C12orf42: variants seen among roughly 807,000 people sequenced by gnomAD.
The protein encoded by C12orf42 is uncharacterized protein C12orf42.
Under a neutral mutation model 21.6 loss-of-function variants are expected in C12orf42, and 25 were observed. The observed-to-expected ratio is 1.16, with a 90% CI of 0.84 to 1.62. The LOEUF (loss-of-function observed/expected upper bound fraction) is 1.62, where lower values mean the gene tolerates loss of function less well. Among genes scored for constraint, C12orf42 ranks in the 40% most tolerant of loss-of-function variants. The pLI is 0.00. For synonymous variants in C12orf42, 174 were observed against 175.0 expected (o/e 0.99, Z 0.05); for missense variants, 483 against 459.3 (o/e 1.05, Z -0.47).
chr12:103,225,036 T>C, the C12orf42 span, among the ~76,000 whole-genome samples: 1 of 152,192 alleles, frequency 6.6e-6, no homozygotes, highest in Non-Finnish European at 1.5e-5. Context: ...GGGCTGTCTA[T>C]GAAGCCTTGC....
At chr12:103,138,384 G>A in the C12orf42 span, among the ~76,000 whole-genome samples, 1 of 152,136 alleles carries the variant, frequency 6.6e-6, no homozygotes, top group African/African-American at 2.4e-5. Context: ...TTGCTTGAAA[G>A]TGTGTAGCTC....
In C12orf42 at chr12:103,355,112, G is replaced by A. The variant is rs115495458; in HGVS notation, c.259+13775C>T. ...TGTATCATAGAACTCATTGTCAGCT[G>A]CTTCCTTGTCCTTAGAGTATTCCCC... On this transcript the variant is annotated intron_variant, in intron 4 of 5. Transcript: ENST00000548883. Among the ~76,000 whole-genome samples the A allele has an allele frequency of 5.7e-3, 863 of 152,204 alleles. 5 individuals are homozygous for A. The highest frequency in any genetic ancestry group is 0.018 in the African/African-American group (751 of 41,554).
At chr12:103,528,295 A>T in the C12orf42 span, among the ~76,000 whole-genome samples, 2 of 152,252 alleles carry the variant, frequency 1.3e-5, no homozygotes, top group African/African-American at 4.8e-5. Flanking sequence ...ATTAGGTCCA[A>T]CCAGTGTCAT....
At chr12:103,164,709 G>A in the C12orf42 span, 9 of 455,266 alleles carry the variant, frequency 2.0e-5, no homozygotes, top group Admixed American at 2.1e-4. Flanking sequence ...CTCTTGGAGA[G>A]CGGAAACCAT....
the C12orf42 span, among the ~76,000 whole-genome samples, chr12:103,543,886 TTTTTGTTTTG>T: frequency 8.9e-6 from 1 of 112,730 alleles, no homozygotes; most frequent in East Asian, 3.9e-4. Context: ...TTGGGTTTTT[TTTTTGTTTTG>T]TTTTTTGTTT....
the C12orf42 span, among the ~76,000 whole-genome samples, chr12:103,181,484 T>A: frequency 6.6e-6 from 1 of 152,176 alleles, no homozygotes. Context: ...GATGTCCCTC[T>A]ACAAAAAGAA....
At chr12:103,238,228 T>C (rs1221362377) in intron 10 of C12orf42, among the ~76,000 whole-genome samples, 1 of 141,232 alleles carries the variant, frequency 7.1e-6, no homozygotes, top group Non-Finnish European at 1.6e-5. Flanking sequence ...GGCTACATCC[T>C]TTTTTTTTTT....
At chr12:103,191,644 G>T in the C12orf42 span, among the ~76,000 whole-genome samples, 1 of 149,182 alleles carries the variant, frequency 6.7e-6, no homozygotes, top group Non-Finnish European at 1.5e-5. Flanking sequence ...GGGAGGCTGA[G>T]CCAGGAGGAT....
At chr12:103,222,279 G>A in the C12orf42 span, among the ~76,000 whole-genome samples, 4 of 151,568 alleles carry the variant, frequency 2.6e-5, no homozygotes, top group Admixed American at 2.0e-4. Flanking sequence ...GAAAATTACA[G>A]TCAAAGGGGG....
chr12:103,416,031 T>TG (rs1001875978), intron 2 of C12orf42, among the ~76,000 whole-genome samples: 1 of 62,260 alleles, frequency 1.6e-5, no homozygotes, highest in Non-Finnish European at 3.8e-5. Context: ...CTTTGTTTAG[T>TG]GGGTTTTTTT....
chr12:103,313,207 A>G (rs1286430387), intron 4 of C12orf42, among the ~76,000 whole-genome samples: 1 of 152,216 alleles, frequency 6.6e-6, no homozygotes, highest in Non-Finnish European at 1.5e-5. Context: ...AATCGATTTC[A>G]TCTCCGGCAT....
Position 103,302,120 on chromosome 12 carries a change from A to G in C12orf42, c.1071T>C (p.Ala357=). Reference sequence around the variant, plus strand: ...TCCCTCGCAGCGGTCAATGTAAGTGAGCATTCACCACCGGCCTAGAAAGGG... The same window carrying G: ...TCCCTCGCAGCGGTCAATGTAAGTGGGCATTCACCACCGGCCTAGAAAGGG... ...SQALSRPVVN[A]HLH is the part of the protein sequence containing the mutation. The change falls in exon 6 of 6, where the codon GCT becomes GCC. Residue 357 remains alanine, a synonymous_variant. Transcript: ENST00000548883. The G allele has an allele frequency of 6.2e-7, 1 of 1,611,752 alleles. No homozygotes were observed. The highest frequency in any genetic ancestry group is 8.5e-7 in the Non-Finnish European group (1 of 1,178,982).
intron 3 of C12orf42, among the ~76,000 whole-genome samples, chr12:103,385,830 A>G (rs1399872795): frequency 6.6e-6 from 1 of 152,198 alleles, no homozygotes; most frequent in Non-Finnish European, 1.5e-5. Context: ...CTACCCTCAC[A>G]CTTTGCTTAA....
intron 4 of C12orf42, among the ~76,000 whole-genome samples, chr12:103,291,061 T>C (rs1593299302): frequency 6.6e-6 from 1 of 152,182 alleles, no homozygotes; most frequent in African/African-American, 2.4e-5. Context: ...TAGTATTTAG[T>C]CAGATGATTG....
At position 103,294,486 on chromosome 12, in the gene C12orf42, C is replaced by CAAGA. The variant is rs371588620; in HGVS notation, n.338-17280_338-17277dup. ...AGAAAGAAAGAAATAAGCAAGCAAG[C>CAAGA]AAGAAAGAAAGAAAGAAAGAAAAAG... is the stretch of plus-strand genomic sequence containing the variant. On this transcript the variant is annotated intron_variant and non_coding_transcript_variant, in intron 4 of 6. Transcript: ENST00000546526. Among the ~76,000 whole-genome samples the CAAGA allele has an allele frequency of 5.9e-3, 557 of 94,790 alleles. 6 individuals carry two copies. The highest frequency in any genetic ancestry group is 0.019 in the Middle Eastern group (3 of 154). The allele number at this position is 94,790 out of a possible 152,430, so 62.2% of individuals were successfully genotyped here.
At chr12:103,364,792 G>T (rs1373474150) in intron 4 of C12orf42, among the ~76,000 whole-genome samples, 1 of 151,930 alleles carries the variant, frequency 6.6e-6, no homozygotes, top group African/African-American at 2.4e-5. Context: ...GGAAGAATTA[G>T]AAACCCTGAA....
At chr12:103,276,504 G>A (rs2035780455) in intron 5 of C12orf42, among the ~76,000 whole-genome samples, 1 of 152,174 alleles carries the variant, frequency 6.6e-6, no homozygotes. Flanking sequence ...CCATGTCCAA[G>A]GAGGAGCATT....
rs371588620 is a variant in C12orf42 at position 103,294,486 on chromosome 12, C to CAAGAAAGA, written n.338-17284_338-17277dup. ...AGAAAGAAAGAAATAAGCAAGCAAGCAAGAAAGAAAGAAAGAAAGAAAAAG... is the reference window on the plus strand; with the variant it reads ...AGAAAGAAAGAAATAAGCAAGCAAGCAAGAAAGAAAGAAAGAAAGAAAGAAAGAAAAAG... On this transcript the variant is annotated intron_variant and non_coding_transcript_variant, in intron 4 of 6. Coordinates refer to the C12orf42 transcript ENST00000546526. Among the ~76,000 whole-genome samples the CAAGAAAGA allele has an allele frequency of 1.1e-4, 10 of 94,814 alleles. No individual in the cohort carries two copies. The South Asian group carries it at 1.9e-3, about 18-fold the overall frequency. 62.2% of individuals were successfully genotyped at this position (94,814 alleles called of 152,430 possible).
At chr12:103,152,565 A>G in the C12orf42 span, among the ~76,000 whole-genome samples, 1 of 152,188 alleles carries the variant, frequency 6.6e-6, no homozygotes, top group Non-Finnish European at 1.5e-5. Context: ...TACAGACTAC[A>G]TGATTCTGTA....
Sources: allele counts gnomAD v4.1 joint callset (sites outside exome capture counted in the v4.1 genomes callset), GRCh38; gene constraint gnomAD v4.1.1; transcripts MANE v1.5; gene names NCBI Gene and HGNC (gene_info 2026-07-23, HGNC 2026-07-21).